The following TGS1 variants were observed in gnomAD, a reference collection of about 807,000 sequenced individuals.
The protein encoded by TGS1 is trimethylguanosine synthase 1.
In TGS1, 69 loss-of-function variants were observed where a neutral mutation model predicts 92.2. The ratio of observed to expected loss-of-function variants is 0.75; its 90% CI spans 0.62 to 0.91. The LOEUF is 0.91. TGS1 is among the 40% of genes least tolerant of loss of function. The pLI is 0.00. For missense variants in TGS1, 1,062 were observed against 1,001.2 expected, an observed-to-expected ratio of 1.06 and a Z score of -0.82; for synonymous variants, 345 against 338.1, an observed-to-expected ratio of 1.02 and a Z score of -0.22.
chr8:55,779,072 G>A (rs543303295), intron 1 of TGS1, among the ~76,000 whole-genome samples: 39 of 152,218 alleles, frequency 2.6e-4, no homozygotes, highest in Admixed American at 7.2e-4. Context: ...ACGTGTGCCA[G>A]GTCCAGAAAT....
At position 55,786,634 on chromosome 8, in the gene TGS1, T is replaced by G; in HGVS notation, c.736T>G (p.Trp246Gly). The G allele has an allele frequency of 6.2e-7, 1 of 1,614,182 alleles. No homozygotes were observed. The highest frequency in any genetic ancestry group is 1.3e-5 in the African/African-American group (1 of 75,050). Reference protein sequence around the residue: ...EWEQHYSQLYWYYLEQFQYWE... With the variant: ...EWEQHYSQLYGYYLEQFQYWE... ...GGAGCAACATTATAGTCAACTTTAT[T>G]GGTATTATTTGGAACAATTTCAGTA... Residue 246 changes from tryptophan (W) to glycine (G), a missense_variant, in exon 4 of 13, where the codon TGG (tryptophan) becomes GGG (glycine). Coordinates refer to ENST00000260129, the MANE Select transcript of TGS1 (RefSeq NM_024831.8).
intron 10 of TGS1, among the ~76,000 whole-genome samples, chr8:55,809,147 G>T (rs1317277715): frequency 1.3e-5 from 2 of 152,146 alleles, no homozygotes; most frequent in Non-Finnish European, 2.9e-5. Flanking sequence ...CATACAAAAA[G>T]ATGGCATTGC....
At chr8:55,779,564 T>A (rs1811501176) in intron 1 of TGS1, among the ~76,000 whole-genome samples, 1 of 152,206 alleles carries the variant, frequency 6.6e-6, no homozygotes, top group African/African-American at 2.4e-5. Context: ...GAAAGGAAAG[T>A]CACCTTGCAG....
intron 12 of TGS1, 57 bp from the exon 13 acceptor site, chr8:55,824,524 A>G (rs1803739367): frequency 7.5e-6 from 12 of 1,605,118 alleles, no homozygotes; most frequent in Admixed American, 1.7e-5. Flanking sequence ...TACAAGTGAA[A>G]GACTTTTGAA....
At position 55,773,519 on chromosome 8, in the gene TGS1, G is replaced by A; in HGVS notation, c.-100G>A. 2 of 834,856 alleles carry A rather than the reference G, an allele frequency of 2.4e-6. No homozygotes were observed. Among genetic ancestry groups the A allele is most frequent in the Non-Finnish European group, 3.7e-6 (2 of 539,654 alleles). The allele number at this position is 834,856 out of a possible 1,614,324, so 51.7% of individuals were successfully genotyped here. A position where few individuals can be genotyped will look rare whatever the true frequency, so the allele number is the denominator to read the frequency against. On this transcript the variant is annotated 5_prime_UTR_variant, in exon 1 of 13. Transcript: ENST00000260129. ...GCCAGTTTCTATCTCCTCATCCAGG[G>A]CTTGCGGGCGAGGCCTGTTTTAAGT...
intron 8 of TGS1, among the ~76,000 whole-genome samples, chr8:55,800,985 A>G (rs1234303996): frequency 6.6e-6 from 1 of 152,180 alleles, no homozygotes; most frequent in Non-Finnish European, 1.5e-5. Flanking sequence ...GATAAAAATT[A>G]TTTAAGGAAA....
chr8:55,794,841 G>T (rs996689490), intron 6 of TGS1, among the ~76,000 whole-genome samples: 3 of 152,142 alleles, frequency 2.0e-5, no homozygotes, highest in African/African-American at 7.2e-5. Flanking sequence ...GTTTCTAAGG[G>T]TTGAGATTTC....
chr8:55,815,860 T>A (rs1803458407), intron 12 of TGS1, among the ~76,000 whole-genome samples: 1 of 152,150 alleles, frequency 6.6e-6, no homozygotes, highest in Admixed American at 6.6e-5. Context: ...TGAGAGGCTC[T>A]TTGGAGGTAA....
At position 55,786,714 on chromosome 8, in the gene TGS1, T is replaced by G; in HGVS notation, c.816T>G (p.Thr272=). ...FDASQSCDTD[T]YTSKTEADDK... ...CCTCGCAAAGCTGTGATACAGATAC[T>G]TACACATCTAAAACAGAAGCTGATG... The change falls in exon 4 of 13, where the codon ACT becomes ACG. Residue 272 remains threonine, a synonymous_variant. Transcript: ENST00000260129. 6.2e-7 allele frequency: 1 copy of G among 1,614,146 alleles called. No individual in the cohort carries two copies. Among genetic ancestry groups the G allele is most frequent in the South Asian group, 1.1e-5 (1 of 91,076 alleles).
intron 12 of TGS1, among the ~76,000 whole-genome samples, chr8:55,813,957 GTTTTTC>G (rs1245545546): frequency 6.6e-6 from 1 of 151,764 alleles, no homozygotes; most frequent in Non-Finnish European, 1.5e-5. Flanking sequence ...TTTTGTTTTT[GTTTTTC>G]TTTTGAGACC....
At chr8:55,815,428 A>G (rs1803449697) in intron 12 of TGS1, among the ~76,000 whole-genome samples, 1 of 152,204 alleles carries the variant, frequency 6.6e-6, no homozygotes, top group African/African-American at 2.4e-5. Flanking sequence ...GAGAGGAGAC[A>G]GTACTAAAAA....
intron 12 of TGS1, 79 bp from the exon 13 acceptor site, chr8:55,824,502 T>C (rs1333147818): frequency 1.3e-6 from 2 of 1,554,034 alleles, no homozygotes; most frequent in Non-Finnish European, 1.7e-6. Context: ...TTCCTATTAT[T>C]TGATAAAGCA....
intron 7 of TGS1, among the ~76,000 whole-genome samples, chr8:55,798,020 C>T (rs990361118): frequency 6.6e-6 from 1 of 152,158 alleles, no homozygotes; most frequent in Non-Finnish European, 1.5e-5. Flanking sequence ...AGTATTAGTC[C>T]AGTCAGTGCC....
intron 7 of TGS1, among the ~76,000 whole-genome samples, chr8:55,797,746 A>G (rs560121780): frequency 7.9e-5 from 12 of 152,326 alleles, no homozygotes; most frequent in Admixed American, 1.3e-4. Context: ...CTTCATGTCA[A>G]TCACATCTCC....
At chr8:55,821,058 T>C (rs1041084263) in intron 12 of TGS1, among the ~76,000 whole-genome samples, 3 of 152,206 alleles carry the variant, frequency 2.0e-5, no homozygotes, top group Non-Finnish European at 2.9e-5. Flanking sequence ...TTTTAACATA[T>C]ATGTAGTTGT....
chr8:55,824,264 C>T (rs1473107797), intron 12 of TGS1, among the ~76,000 whole-genome samples: 1 of 152,062 alleles, frequency 6.6e-6, no homozygotes, highest in Non-Finnish European at 1.5e-5. Context: ...TTTAATAAAC[C>T]GGATGTTTGG....
intron 12 of TGS1, among the ~76,000 whole-genome samples, chr8:55,820,199 TTC>T (rs1803595488): frequency 1.3e-5 from 2 of 152,200 alleles, no homozygotes; most frequent in Admixed American, 1.3e-4. Context: ...GGAGGTTATT[TTC>T]TCTCATTCGG....
At chr8:55,776,664 T>G (rs1421323291) in intron 1 of TGS1, among the ~76,000 whole-genome samples, 1 of 152,210 alleles carries the variant, frequency 6.6e-6, no homozygotes, top group African/African-American at 2.4e-5. Context: ...GGCTGTCTGC[T>G]TATGGATTTC....
chr8:55,773,562 A>C lies in TGS1; in HGVS notation c.-57A>C, dbSNP rs1811277685. The C allele has an allele frequency of 7.3e-7, 1 of 1,371,156 alleles. No homozygotes were observed. The highest frequency in any genetic ancestry group is 1.4e-5 in the African/African-American group (1 of 69,124). 84.9% of individuals were successfully genotyped at this position (1,371,156 alleles called of 1,614,324 possible). A position where few individuals can be genotyped will look rare whatever the true frequency, so the allele number is the denominator to read the frequency against. On this transcript the variant is annotated 5_prime_UTR_variant, in exon 1 of 13. Transcript: ENST00000260129. ...TTTTAAGTCTCCAGTAACCGAGCGG[A>C]GGCCCGGCAGGCGCGACCCGGGCTG...
Sources: gnomAD v4.1 joint callset for allele counts (sites outside exome capture counted in the v4.1 genomes callset) on GRCh38, gnomAD v4.1.1 for gene constraint, MANE v1.5 for transcripts, NCBI Gene and HGNC (gene_info 2026-07-23, HGNC 2026-07-21) for gene names.